MCTP2: variants seen among roughly 807,000 people sequenced by gnomAD.
The protein encoded by MCTP2 is multiple C2 and transmembrane domain containing 2, also known as multiple C2 and transmembrane domain-containing protein 2.
MCTP2 carries 132 observed loss-of-function variants against 111.6 expected under a neutral mutation model. The ratio of observed to expected loss-of-function variants is 1.18; its 90% CI spans 1.03 to 1.37. MCTP2 has a LOEUF of 1.37. Among genes scored for constraint, MCTP2 ranks in the 40% most tolerant of loss-of-function variants. The pLI, the probability that MCTP2 is intolerant of heterozygous loss-of-function variation, is 0.00. For synonymous variants in MCTP2, 395 were observed against 387.7 expected (o/e 1.02, Z -0.22); for missense variants, 1,183 against 1,067.9 (o/e 1.11, Z -1.50).
At chr15:94,413,243 A>T (rs2082232232) in intron 17 of MCTP2, among the ~76,000 whole-genome samples, 1 of 152,174 alleles carries the variant, frequency 6.6e-6, no homozygotes, top group Admixed American at 6.5e-5. Flanking sequence ...TTTTAATTTG[A>T]TACAATCGTC....
intron 4 of MCTP2, among the ~76,000 whole-genome samples, chr15:94,324,509 G>A (rs992249386): frequency 6.6e-6 from 1 of 152,318 alleles, no homozygotes; most frequent in South Asian, 2.1e-4. Context: ...GTAGGTTGAG[G>A]TTTGATGGTC....
At chr15:94,468,503 A>G (rs1240569787) in intron 20 of MCTP2, among the ~76,000 whole-genome samples, 2 of 152,320 alleles carry the variant, frequency 1.3e-5, no homozygotes, top group East Asian at 1.9e-4. Context: ...GTTAGAAATC[A>G]TAGAGAAACA....
At chr15:94,257,580 T>G (rs1277297514) in intron 1 of MCTP2, among the ~76,000 whole-genome samples, 10 of 18,816 alleles carry the variant, frequency 5.3e-4, no homozygotes, top group African/African-American at 1.6e-3. Context: ...TTTTTTTTTT[T>G]TTTTTTTTTT....
At chr15:94,307,219 G>C (rs975517744) in intron 2 of MCTP2, among the ~76,000 whole-genome samples, 1 of 152,168 alleles carries the variant, frequency 6.6e-6, no homozygotes, top group Non-Finnish European at 1.5e-5. Context: ...GCAAGCTATA[G>C]ATATAATCAG....
chr15:94,258,857 C>A lies in MCTP2; in HGVS notation c.-66+27193C>A, dbSNP rs8030974. Among the ~76,000 whole-genome samples, 837 of 152,096 alleles carry A rather than the reference C, an allele frequency of 5.5e-3. 9 individuals carry two copies. Among genetic ancestry groups the A allele is most frequent in the African/African-American group, 0.02 (816 of 41,454 alleles). On this transcript the variant is annotated intron_variant, in intron 1 of 22. Transcript: ENST00000357742. ...ATTTAATTATTCAGATGCTCTAGAA[C>A]TGTTCTCTGCATATTCTTTTGATCA...
chr15:94,455,166 C>G (rs2084739028), intron 19 of MCTP2, among the ~76,000 whole-genome samples: 1 of 152,108 alleles, frequency 6.6e-6, no homozygotes, highest in African/African-American at 2.4e-5. Flanking sequence ...ATTTTTAATA[C>G]AATAAATATA....
chr15:94,475,233 G>A (rs1315103040), intron 21 of MCTP2, among the ~76,000 whole-genome samples: 1 of 152,142 alleles, frequency 6.6e-6, no homozygotes, highest in Admixed American at 6.5e-5. Context: ...GCTTGCTGTG[G>A]GGGTAGAGGG....
chr15:94,241,253 A>T (rs574201350), intron 1 of MCTP2, among the ~76,000 whole-genome samples: 18 of 152,310 alleles, frequency 1.2e-4, no homozygotes, highest in African/African-American at 4.1e-4. Flanking sequence ...TGAACCCTAC[A>T]ATCTGATGTG....
intron 20 of MCTP2, among the ~76,000 whole-genome samples, chr15:94,466,888 A>AAGTCTATTCCTTT (rs1235215868): frequency 6.6e-6 from 1 of 152,046 alleles, no homozygotes; most frequent in African/African-American, 2.4e-5. Flanking sequence ...AGGAATGATA[A>AAGTCTATTCCTTT]AGTCTATTCC....
rs527584613 is a variant in MCTP2, at chr15:94,370,166, C to A, written c.1568C>A (p.Ala523Glu). The A allele has an allele frequency of 6.2e-7, 1 of 1,610,890 alleles. No homozygotes were observed. Among genetic ancestry groups the A allele is most frequent in the South Asian group, 1.1e-5 (1 of 90,584 alleles). Reference sequence around the variant, plus strand: ...GTTTTAAAGGCAGCAGATCTCTTAGCGGCAGATTTCTCAGGTACAGGACAT... The same window carrying A: ...GTTTTAAAGGCAGCAGATCTCTTAGAGGCAGATTTCTCAGGTACAGGACAT... ...VKVLKAADLL[A>E]ADFSGKSDPF... The change falls in exon 12 of 23, where the codon GCG becomes GAG. Residue 523 changes from alanine to glutamate, a missense_variant. By Grantham distance (107) the Ala-to-Glu change is moderately radical (BLOSUM62 -1). Transcript: ENST00000357742.
At chr15:94,252,473 T>C (rs2072500784) in intron 1 of MCTP2, among the ~76,000 whole-genome samples, 1 of 152,180 alleles carries the variant, frequency 6.6e-6, no homozygotes, top group South Asian at 2.1e-4. Flanking sequence ...AGATCTGGAT[T>C]CTAGTAATGT....
At chr15:94,308,009 A>C (rs1165127347) in intron 2 of MCTP2, among the ~76,000 whole-genome samples, 1 of 152,206 alleles carries the variant, frequency 6.6e-6, no homozygotes, top group Non-Finnish European at 1.5e-5. Flanking sequence ...ATCTAATGCT[A>C]CTTACTGAGG....
At chr15:94,451,674 ATGT>A (rs2084472106) in intron 19 of MCTP2, among the ~76,000 whole-genome samples, 1 of 152,200 alleles carries the variant, frequency 6.6e-6, no homozygotes, top group African/African-American at 2.4e-5. Flanking sequence ...AGCAGATGTA[ATGT>A]TGTGTTTGCT....
At chr15:94,403,309 C>A in intron 17 of MCTP2, 1 of 933,654 alleles carries the variant, frequency 1.1e-6, no homozygotes, top group African/African-American at 1.8e-5. Flanking sequence ...CCCTTTCTCA[C>A]GTTCTCCTCA....
rs200181938 is a variant in MCTP2 at position 94,470,395 on chromosome 15, C to T, written c.2423C>T (p.Thr808Ile). The T allele has an allele frequency of 5.0e-6, 8 of 1,614,010 alleles. No individual in the cohort carries two copies. In the African/African-American group the frequency reaches 5.3e-5, roughly 11 times the overall value. ...GCCTGTTTGATTCTGGCAGCAGCCACCATCATTTTGTATTTCATTCCACTG... is the reference window on the plus strand; with the variant it reads ...GCCTGTTTGATTCTGGCAGCAGCCATCATCATTTTGTATTTCATTCCACTG... ...SLACLILAAA[T>I]IILYFIPLRY... Residue 808 changes from threonine to isoleucine, a missense_variant, in exon 21 of 23, where the codon ACC (threonine) becomes ATC (isoleucine). Transcript: ENST00000357742.
intron 3 of MCTP2, among the ~76,000 whole-genome samples, chr15:94,315,055 A>C (rs77132398): frequency 0.024 from 3,715 of 152,208 alleles, 160 homozygotes; most frequent in African/African-American, 0.083. Context: ...ATTTTACTAC[A>C]CATGGAAGTC....
chr15:94,416,300 T>C lies in MCTP2; in HGVS notation c.2085+14281T>C, dbSNP rs185930828. On this transcript the variant is annotated intron_variant, in intron 17 of 22. Transcript: ENST00000357742. ...AATTCTTGTTTGTCCCATGAGATTT[T>C]CACACTTTTCGGCTGACGGCACTGT... 5.2e-3 allele frequency among the ~76,000 whole-genome samples: 787 copies of C among 152,248 alleles called. 5 individuals carry two copies. Among genetic ancestry groups the C allele is most frequent in the Non-Finnish European group, 5.8e-3 (394 of 68,000 alleles).
intron 8 of MCTP2, among the ~76,000 whole-genome samples, chr15:94,350,657 ACTC>A (rs1336117387): frequency 6.6e-6 from 1 of 152,124 alleles, no homozygotes; most frequent in Non-Finnish European, 1.5e-5. Context: ...GCTTCACACT[ACTC>A]CCAGCCCTCG....
At chr15:94,252,602 A>G (rs2072509504) in intron 1 of MCTP2, among the ~76,000 whole-genome samples, 1 of 151,954 alleles carries the variant, frequency 6.6e-6, no homozygotes, top group Non-Finnish European at 1.5e-5. Context: ...AATAAACCAC[A>G]AATTTTTTAT....
Sources: allele counts gnomAD v4.1 joint callset (sites outside exome capture counted in the v4.1 genomes callset), GRCh38; gene constraint gnomAD v4.1.1; transcripts MANE v1.5; gene names NCBI Gene and HGNC (gene_info 2026-07-23, HGNC 2026-07-21).